The following MGAT4D variants were observed in gnomAD, a reference collection of about 807,000 sequenced individuals.
MGAT4D encodes the protein alpha-1,3-mannosyl-glycoprotein 4-beta-N-acetylglucosaminyltransferase-like protein MGAT4D.
A neutral mutation model predicts 15.9 loss-of-function variants in MGAT4D; 34 were observed. That is an observed-to-expected ratio of 2.14 (90% confidence interval 1.62 to 2.84). The LOEUF is 2.84. MGAT4D is among the 30% of genes most tolerant of loss of function. The pLI is 0.00. For missense variants in MGAT4D, 327 were observed against 140.2 expected (o/e 2.33, Z -6.73); for synonymous variants, 112 against 48.2 (o/e 2.33, Z -5.49).
intron 2 of MGAT4D, among the ~76,000 whole-genome samples, chr4:140,480,846 A>G (rs1431335): frequency 0.25 from 37,349 of 151,352 alleles, 5,020 homozygotes; most frequent in East Asian, 0.48. Flanking sequence ...TGAGGTGGGA[A>G]GATCCCTTGA....
chr4:140,489,351 T>A (rs577115929), intron 1 of MGAT4D, among the ~76,000 whole-genome samples: 2 of 152,240 alleles, frequency 1.3e-5, no homozygotes, highest in East Asian at 3.9e-4. Flanking sequence ...CCTCTGTGCA[T>A]TAGGTTTTAT....
At chr4:140,483,004 A>G (rs993009425) in intron 1 of MGAT4D, among the ~76,000 whole-genome samples, 1 of 152,210 alleles carries the variant, frequency 6.6e-6, no homozygotes, top group Non-Finnish European at 1.5e-5. Context: ...AATAAATTAC[A>G]GAATATTCTT....
intron 5 of MGAT4D, among the ~76,000 whole-genome samples, chr4:140,466,835 A>T (rs773584640): frequency 6.6e-6 from 1 of 152,138 alleles, no homozygotes; most frequent in African/African-American, 2.4e-5. Context: ...AAGAAAGCTC[A>T]TGTTTTATAA....
chr4:140,482,273 A>G (rs1732785025), intron 2 of MGAT4D, 54 bp downstream of exon 2: 2 of 574,868 alleles, frequency 3.5e-6, no homozygotes, highest in East Asian at 6.0e-5. Context: ...AAATCATAAG[A>G]CATTGAATCT....
intron 1 of MGAT4D, among the ~76,000 whole-genome samples, chr4:140,496,699 C>T (rs1052385615): frequency 3.3e-5 from 5 of 151,902 alleles, no homozygotes; most frequent in Admixed American, 1.3e-4. Flanking sequence ...AAAAATTATC[C>T]GGGCATGGTG....
At chr4:140,490,217 C>A (rs928948827) in intron 1 of MGAT4D, among the ~76,000 whole-genome samples, 2 of 152,096 alleles carry the variant, frequency 1.3e-5, no homozygotes, top group African/African-American at 4.8e-5. Context: ...GTCTTCTTTG[C>A]TGATATTGAT....
At position 140,474,885 on chromosome 4, in the gene MGAT4D, T is replaced by A. The variant is rs1242604898; in HGVS notation, c.453A>T (p.Thr151=). 2.9e-6 allele frequency: 2 copies of A among 699,416 alleles called. No homozygotes were observed. Among genetic ancestry groups the A allele is most frequent in the African/African-American group, 3.5e-5 (2 of 57,050 alleles). The allele number at this position is 699,416 out of a possible 1,614,324, so 43.3% of individuals were successfully genotyped here. A position where few individuals can be genotyped will look rare whatever the true frequency, so the allele number is the denominator to read the frequency against. The change falls in exon 4 of 11, where the codon ACA becomes ACT. Residue 151 remains threonine (T), a synonymous_variant. Coordinates refer to ENST00000511113, the MANE Select transcript of MGAT4D (RefSeq NM_001277353.2). The part of the protein sequence containing the change: ...NRGNYSYLKQ[T]LTSVVSRMTL... ...TCATCCTGGAGACAACAGAGGTCAG[T>A]GTCTGTTTCAGGTAACTATAATTTC...
At chr4:140,451,776 A>G (rs1730488294) in intron 9 of MGAT4D, among the ~76,000 whole-genome samples, 1 of 152,014 alleles carries the variant, frequency 6.6e-6, no homozygotes, top group South Asian at 2.1e-4. Context: ...TACCAATTAT[A>G]TTTCCTCTCT....
chr4:140,469,684 C>CT (rs1421260538), intron 5 of MGAT4D, among the ~76,000 whole-genome samples: 2 of 152,120 alleles, frequency 1.3e-5, no homozygotes, highest in East Asian at 1.9e-4. Flanking sequence ...AGATGGCTTC[C>CT]TTTTTTTGCT....
intron 2 of MGAT4D, among the ~76,000 whole-genome samples, chr4:140,482,033 T>C (rs1732765632): frequency 6.6e-6 from 1 of 152,166 alleles, no homozygotes; most frequent in African/African-American, 2.4e-5. Flanking sequence ...CATGGAAGTA[T>C]GCAAGAGGTA....
chr4:140,494,666 G>A (rs1014451451), intron 1 of MGAT4D, among the ~76,000 whole-genome samples: 2 of 152,052 alleles, frequency 1.3e-5, no homozygotes, highest in Non-Finnish European at 2.9e-5. Context: ...TTGCTATTTC[G>A]GTAAATGGCA....
At chr4:140,456,480 A>G (rs1341266365) in intron 9 of MGAT4D, 109 bp downstream of exon 9, 1 of 423,990 alleles carries the variant, frequency 2.4e-6, no homozygotes, top group Non-Finnish European at 4.2e-6. Context: ...AGAAATTTTA[A>G]AAATTGGTGC....
intron 1 of MGAT4D, among the ~76,000 whole-genome samples, chr4:140,495,481 T>C (rs903675091): frequency 3.3e-5 from 5 of 152,218 alleles, no homozygotes; most frequent in Non-Finnish European, 7.3e-5. Flanking sequence ...ATTAAACTCA[T>C]TGAGTCTTTC....
intron 1 of MGAT4D, among the ~76,000 whole-genome samples, chr4:140,486,394 T>C (rs1247120878): frequency 6.6e-6 from 1 of 152,170 alleles, no homozygotes; most frequent in Non-Finnish European, 1.5e-5. Context: ...GGGGTACATG[T>C]GCAGAATGTG....
intron 1 of MGAT4D, among the ~76,000 whole-genome samples, chr4:140,485,440 T>C (rs555052202): frequency 1.1e-4 from 16 of 152,012 alleles, no homozygotes; most frequent in African/African-American, 3.9e-4. Context: ...TTAGGAGATA[T>C]ACCTAATGCT....
chr4:140,480,342 G>C (rs55795841), intron 2 of MGAT4D, among the ~76,000 whole-genome samples: 13,150 of 151,988 alleles, frequency 0.087, 571 homozygotes, highest in South Asian at 0.11. Context: ...AGCTAAAAAT[G>C]TTCATAGACA....
intron 6 of MGAT4D, 73 bp downstream of exon 6, chr4:140,464,823 A>G: frequency 1.5e-6 from 1 of 686,556 alleles, no homozygotes. Flanking sequence ...AATAGTTTCT[A>G]ATATGAGCTG....
At chr4:140,453,552 C>G (rs1487725189) in intron 9 of MGAT4D, among the ~76,000 whole-genome samples, 1 of 151,820 alleles carries the variant, frequency 6.6e-6, no homozygotes, top group Non-Finnish European at 1.5e-5. Flanking sequence ...GATGGTTTGT[C>G]TCTGTGTCCC....
intron 10 of MGAT4D, chr4:140,449,829 G>T (rs905456682): frequency 1.2e-5 from 2 of 166,572 alleles, no homozygotes; most frequent in African/African-American, 4.7e-5. Flanking sequence ...TTACCCAAAA[G>T]TTTTTTAAAA....
Sources: gnomAD v4.1 joint callset for allele counts (sites outside exome capture counted in the v4.1 genomes callset) on GRCh38, gnomAD v4.1.1 for gene constraint, MANE v1.5 for transcripts, NCBI Gene and HGNC (gene_info 2026-07-23, HGNC 2026-07-21) for gene names.